The following SLC16A12 variants were observed in gnomAD, a reference collection of about 807,000 sequenced individuals.
SLC16A12 encodes solute carrier family 16 member 12.
Under a neutral mutation model 42.4 loss-of-function variants are expected in SLC16A12, and 17 were observed. That is an observed-to-expected ratio of 0.40 (90% confidence interval 0.27 to 0.60). SLC16A12 has a LOEUF of 0.60. SLC16A12 is among the 20% of genes least tolerant of loss of function. The pLI is 0.42. For missense variants in SLC16A12, 544 were observed against 623.0 expected (o/e 0.87, Z 1.35); for synonymous variants, 224 against 229.4 (o/e 0.98, Z 0.21).
At chr10:89,479,060 C>A (rs532247078) in intron 2 of SLC16A12, among the ~76,000 whole-genome samples, 2 of 152,174 alleles carry the variant, frequency 1.3e-5, no homozygotes, top group African/African-American at 4.8e-5. Flanking sequence ...GACTTCTCTG[C>A]CACTTACTAA....
upstream of SLC16A12, among the ~76,000 whole-genome samples, chr10:89,540,044 GCTCT>G (rs1843705786): frequency 8.1e-6 from 1 of 122,808 alleles, no homozygotes; most frequent in South Asian, 2.5e-4. Context: ...CTTTTCTCTG[GCTCT>G]CTCTTTTTTC....
At chr10:89,467,817 C>T (rs535891005) in intron 2 of SLC16A12, among the ~76,000 whole-genome samples, 47 of 152,122 alleles carry the variant, frequency 3.1e-4, no homozygotes, top group African/African-American at 1.0e-3. Flanking sequence ...GCACAAAAGT[C>T]TCTTTTTTAT....
At chr10:89,547,569 C>G (rs190009791) in intron 2 of SLC16A12, among the ~76,000 whole-genome samples, 1 of 152,124 alleles carries the variant, frequency 6.6e-6, no homozygotes, top group East Asian at 1.9e-4. Context: ...AGTAGCCATG[C>G]AAATGACAAA....
In SLC16A12 at chr10:89,488,315, G is replaced by A. The variant is rs72816727; in HGVS notation, c.-46-25691C>T. Among the ~76,000 whole-genome samples, 902 of 152,160 alleles carry A rather than the reference G, an allele frequency of 5.9e-3. 5 individuals are homozygous for A. The highest frequency in any genetic ancestry group is 0.01 in the Non-Finnish European group (685 of 67,990). The stretch of plus-strand genomic sequence containing the variant: ...GGAACTTTTTAAAGAATGAATAGCA[G>A]CTACTATTTTTTCAGCACTGATTTG... On this transcript the variant is annotated intron_variant, in intron 2 of 7. Coordinates refer to ENST00000371790, the MANE Select transcript of SLC16A12 (RefSeq NM_213606.4).
intron 2 of SLC16A12, among the ~76,000 whole-genome samples, chr10:89,486,663 GAAAA>G (rs1842757443): frequency 2.0e-4 from 9 of 45,032 alleles, no homozygotes; most frequent in Admixed American, 5.8e-4. Context: ...AAGAAAGAAA[GAAAA>G]GAAAGAAAGA....
chr10:89,438,641 T>C lies in SLC16A12; in HGVS notation c.991A>G (p.Ile331Val), dbSNP rs1841845059. 1 of 1,613,734 alleles carries C rather than the reference T, an allele frequency of 6.2e-7. No individual in the cohort carries two copies. Among genetic ancestry groups the C allele is most frequent in the Admixed American group, 1.7e-5 (1 of 59,924 alleles). ...LMSILGVIDI[I>V]GNITFGWLTD... Reference sequence around the variant, plus strand: ...AGCCATCCAAATGTGATATTGCCAATAATGTCAATCACTCCAAGTATGGAC... The same window carrying C: ...AGCCATCCAAATGTGATATTGCCAACAATGTCAATCACTCCAAGTATGGAC... Residue 331 changes from isoleucine (I) to valine (V), a missense_variant, in exon 6 of 8, where the codon ATT becomes GTT. Coordinates refer to ENST00000371790, the MANE Select transcript of SLC16A12 (RefSeq NM_213606.4).
chr10:89,438,398 A>G (rs944705658), intron 6 of SLC16A12, among the ~76,000 whole-genome samples: 2 of 152,254 alleles, frequency 1.3e-5, no homozygotes, highest in Non-Finnish European at 2.9e-5. Context: ...CTTGGCCTAC[A>G]AAGCCAAAAA....
chr10:89,459,081 C>A (rs2133737144), intron 3 of SLC16A12, among the ~76,000 whole-genome samples: 1 of 152,184 alleles, frequency 6.6e-6, no homozygotes, highest in Admixed American at 6.5e-5. Context: ...GCAATTTTTC[C>A]TATGGAAGAA....
intron 3 of SLC16A12, 78 bp from the exon 4 acceptor site, chr10:89,443,937 C>T (rs1420663597): frequency 1.1e-6 from 1 of 880,990 alleles, no homozygotes; most frequent in Non-Finnish European, 1.9e-6. Flanking sequence ...ATGTTTGGTT[C>T]AATTAGCTGC....
upstream of SLC16A12, among the ~76,000 whole-genome samples, chr10:89,536,857 A>G (rs954164012): frequency 1.3e-5 from 2 of 152,118 alleles, no homozygotes; most frequent in African/African-American, 4.8e-5. Flanking sequence ...ATTATTTTTG[A>G]GAAGCAGTCT....
chr10:89,472,211 A>G (rs998409514), intron 2 of SLC16A12, among the ~76,000 whole-genome samples: 1 of 152,150 alleles, frequency 6.6e-6, no homozygotes, highest in African/African-American at 2.4e-5. Flanking sequence ...AGTTTTAAAT[A>G]CCACTTTACA....
intron 2 of SLC16A12, among the ~76,000 whole-genome samples, chr10:89,513,269 C>A (rs1843192951): frequency 6.6e-6 from 1 of 152,160 alleles, no homozygotes; most frequent in Non-Finnish European, 1.5e-5. Context: ...TGTACTCTGT[C>A]TGATCATTTT....
intron 2 of SLC16A12, among the ~76,000 whole-genome samples, chr10:89,506,407 C>T (rs981659554): frequency 6.6e-6 from 1 of 152,286 alleles, no homozygotes; most frequent in East Asian, 1.9e-4. Flanking sequence ...GTTCCGCAGC[C>T]TCCGCTGGTG....
chr10:89,504,664 G>T (rs929159890), intron 2 of SLC16A12, among the ~76,000 whole-genome samples: 1 of 152,184 alleles, frequency 6.6e-6, no homozygotes, highest in Non-Finnish European at 1.5e-5. Flanking sequence ...TCCCAGGCTA[G>T]TTGTAATTAA....
chr10:89,537,001 C>G (rs1843671938), upstream of SLC16A12, among the ~76,000 whole-genome samples: 1 of 152,006 alleles, frequency 6.6e-6, no homozygotes, highest in African/African-American at 2.4e-5. Context: ...CCACGCCCAG[C>G]TAATTTTTTG....
intron 2 of SLC16A12, among the ~76,000 whole-genome samples, chr10:89,519,928 C>A (rs1446923477): frequency 1.3e-5 from 2 of 152,006 alleles, no homozygotes; most frequent in Admixed American, 6.6e-5. Context: ...GCCTGGCCAA[C>A]ATGGTGAAAC....
At chr10:89,444,019 C>A (rs79381526) in intron 3 of SLC16A12, among the ~76,000 whole-genome samples, 160 bp from the exon 4 acceptor site, 1 of 152,134 alleles carries the variant, frequency 6.6e-6, no homozygotes, top group African/African-American at 2.4e-5. Flanking sequence ...TTGGGCCATG[C>A]TGGATAACAA....
At chr10:89,515,349 T>C (rs1358632021) in intron 2 of SLC16A12, among the ~76,000 whole-genome samples, 7 of 152,160 alleles carry the variant, frequency 4.6e-5, no homozygotes, top group Admixed American at 4.6e-4. Context: ...GCAAAGAGCC[T>C]CCTGAAACAG....
intron 4 of SLC16A12, 130 bp downstream of exon 4, chr10:89,443,626 T>G: frequency 1.4e-6 from 1 of 736,530 alleles, no homozygotes; most frequent in South Asian, 1.5e-5. Flanking sequence ...CTTTATATTA[T>G]ATAGTCCTAG....
Sources: gnomAD v4.1 joint callset for allele counts (sites outside exome capture counted in the v4.1 genomes callset) on GRCh38, gnomAD v4.1.1 for gene constraint, MANE v1.5 for transcripts, NCBI Gene and HGNC (gene_info 2026-07-23, HGNC 2026-07-21) for gene names.